Variants in RAD51D observed in about 807,000 individuals in gnomAD.
The protein encoded by RAD51D is RAD51 paralog D.
RAD51D carries 38 observed loss-of-function variants against 44.1 expected under a neutral mutation model. The ratio of observed to expected loss-of-function variants is 0.86; its 90% CI spans 0.67 to 1.13. The LOEUF is 1.13. RAD51D is among the 50% of genes most tolerant of loss of function. RAD51D has a pLI of 0.00. For synonymous variants in RAD51D, 141 were observed against 166.6 expected (o/e 0.85, Z 1.18); for missense variants, 390 against 414.0 (o/e 0.94, Z 0.50).
chr17:35,119,233 T>A, intron 1 of RAD51D, 61 bp from the exon 2 acceptor site: 4 of 1,456,520 alleles, frequency 2.7e-6, no homozygotes, highest in Non-Finnish European at 3.9e-6. Context: ...ACACTTGGTT[T>A]TTCCTCATCT....
chr17:35,117,928 G>A (rs1430291988), intron 3 of RAD51D, among the ~76,000 whole-genome samples: 1 of 152,216 alleles, frequency 6.6e-6, no homozygotes, highest in Admixed American at 6.5e-5. Flanking sequence ...CTAAACTCAA[G>A]TAGGGTTAAT....
At position 35,100,134 on chromosome 17, in the gene RAD51D, G is replaced by A. The variant is rs148160294; in HGVS notation, c.*819C>T. ...CCTCTGGTTATGCTGTACTGTGGAG[G>A]GGCCCCACAGGGCACCATGCATATT... is the stretch of plus-strand genomic sequence containing the variant. On this transcript the variant is annotated 3_prime_UTR_variant, in exon 10 of 10. Transcript: ENST00000345365. The A allele has an allele frequency of 2.5e-4, 131 of 532,830 alleles. 1 individual carries two copies. The East Asian group carries it at 5.1e-3, about 21-fold the overall frequency. The allele number at this position is 532,830 out of a possible 1,614,324, so 33.0% of individuals were successfully genotyped here.
At chr17:35,118,431 T>C in intron 3 of RAD51D, 70 bp downstream of exon 3, 1 of 1,333,986 alleles carries the variant, frequency 7.5e-7, no homozygotes, top group South Asian at 1.2e-5. Flanking sequence ...GACTCAAGCA[T>C]CAAAAGCAGA....
At position 35,103,070 on chromosome 17, in the gene RAD51D, AAAC is replaced by A. The variant is rs763859552; in HGVS notation, c.738+181_738+183del. Among the ~76,000 whole-genome samples the A allele has an allele frequency of 1.8e-4, 27 of 152,358 alleles. No individual in the cohort carries two copies. Among genetic ancestry groups the A allele is most frequent in the South Asian group, 4.1e-4 (2 of 4,832 alleles). On this transcript the variant is annotated intron_variant, in intron 8 of 9. Transcript: ENST00000345365. The surrounding 1 kb of genome is among the most constrained non-coding windows in gnomAD (Gnocchi z 4.1). ...GTAGAAACAAAACAAAACAACAAAA[AAAC>A]AACAAGACGATTCCTGATTCCCTTA...
chr17:35,110,970 T>C (rs943045816), intron 3 of RAD51D, among the ~76,000 whole-genome samples: 13 of 151,564 alleles, frequency 8.6e-5, no homozygotes, highest in African/African-American at 2.9e-4. Context: ...CTGGGCATGG[T>C]GGCATGCACC....
chr17:35,119,532 CT>C lies in RAD51D; in HGVS notation c.81del (p.Val28TrpfsTer12), dbSNP rs1064793952. The C allele has an allele frequency of 1.9e-6, 3 of 1,611,808 alleles. No individual in the cohort carries two copies. Among genetic ancestry groups the C allele is most frequent in the Non-Finnish European group, 2.5e-6 (3 of 1,179,924 alleles). ...IQLLRSHRIK[T>X]VVDLVSADLE... ...CCCTGGCACGCGCACACCCGGTCAC[CT>C]GTCTTGATCCTGTGGCTCCTGAGAA... On this transcript the variant is annotated frameshift_variant and splice_region_variant, in exon 1 of 10. Transcript: ENST00000345365. LOFTEE classifies it high-confidence loss of function.
At chr17:35,107,234 C>T in intron 4 of RAD51D, 112 bp from the exon 5 acceptor site, 1 of 1,484,938 alleles carries the variant, frequency 6.7e-7, no homozygotes, top group Admixed American at 1.7e-5. Flanking sequence ...GTCCCGACCC[C>T]ATTCCTTATT....
intron 8 of RAD51D, 65 bp from the exon 9 acceptor site, chr17:35,101,430 C>T (rs534602114): frequency 3.9e-6 from 6 of 1,540,912 alleles, no homozygotes; most frequent in Non-Finnish European, 5.3e-6. Context: ...ACTACCGCTT[C>T]ATTTTACGGA....
chr17:35,108,764 C>T (rs556793890), intron 3 of RAD51D, among the ~76,000 whole-genome samples: 9 of 152,170 alleles, frequency 5.9e-5, no homozygotes, highest in Admixed American at 3.9e-4. Context: ...CCCCTAATCC[C>T]GAATCCCTGG....
intron 3 of RAD51D, among the ~76,000 whole-genome samples, chr17:35,109,662 A>G (rs1410078706): frequency 6.6e-6 from 1 of 151,884 alleles, no homozygotes; most frequent in South Asian, 2.1e-4. Context: ...AATAGTTAAT[A>G]GTGTTGAACT....
chr17:35,104,608 A>G (rs1243534330), intron 6 of RAD51D, among the ~76,000 whole-genome samples: 1 of 152,106 alleles, frequency 6.6e-6, no homozygotes, highest in Non-Finnish European at 1.5e-5. Context: ...TGGTCTCGAA[A>G]TCCGGCCTCA....
In RAD51D at chr17:35,101,349, G is replaced by A. The variant is rs1467844944; in HGVS notation, c.755C>T (p.Thr252Ile). Residue 252 changes from threonine to isoleucine, a missense_variant, in exon 9 of 10, where the codon ACT (threonine) becomes ATT (isoleucine). By Grantham distance (89) the Thr-to-Ile change is moderately conservative (BLOSUM62 -1). Coordinates refer to ENST00000345365, the MANE Select transcript of RAD51D (RefSeq NM_002878.4). The stretch of plus-strand genomic sequence containing the variant: ...GAGCCTCCCGCTGTCCCTGTCTCGA[G>A]TTATGTGGTTGGTCACCTGCAGCAG... ...GMAVVVTNHI[T>I]RDRDSGRLKP... 4 of 1,613,870 alleles carry A rather than the reference G, an allele frequency of 2.5e-6. No individual in the cohort carries two copies. Among genetic ancestry groups the A allele is most frequent in the African/African-American group, 1.3e-5 (1 of 75,036 alleles).
chr17:35,114,508 CCT>C (rs2091714659), intron 3 of RAD51D, among the ~76,000 whole-genome samples: 1 of 151,054 alleles, frequency 6.6e-6, no homozygotes, highest in Non-Finnish European at 1.5e-5. Context: ...CAGCAAGACC[CCT>C]GTCTCTACAA....
chr17:35,102,112 A>G (rs2091546029), intron 8 of RAD51D, among the ~76,000 whole-genome samples: 1 of 152,190 alleles, frequency 6.6e-6, no homozygotes, highest in Admixed American at 6.5e-5. Context: ...GCTAAAAATT[A>G]CATTTCTAAA....
chr17:35,094,326 T>C lies in RAD51D; in HGVS notation c.*6627A>G, dbSNP rs1195761154. 6.6e-6 allele frequency: 1 copy of C among 152,238 alleles called. No homozygotes were observed. The highest frequency in any genetic ancestry group is 1.5e-5 in the Non-Finnish European group (1 of 68,052). 9.4% of individuals were successfully genotyped at this position (152,238 alleles called of 1,614,324 possible). On this transcript the variant is annotated 3_prime_UTR_variant, in exon 10 of 10. Transcript: ENST00000345365. ...CATGTTGGCCAAGCTGGTCTCGAACTTCTGATTTCAAATGATCCACCCACC... is the reference window on the plus strand; with the variant it reads ...CATGTTGGCCAAGCTGGTCTCGAACCTCTGATTTCAAATGATCCACCCACC...
At chr17:35,111,390 TA>T (rs372105981) in intron 3 of RAD51D, among the ~76,000 whole-genome samples, 10,744 of 139,992 alleles carry the variant, frequency 0.077, 670 homozygotes, top group East Asian at 0.17. Context: ...AAACTCCGTC[TA>T]AAAAAAAAAA....
Position 35,096,884 on chromosome 17 carries a change from T to G in RAD51D, c.*4069A>C, listed in dbSNP as rs931262896. 3.8e-5 allele frequency: 3 copies of G among 79,630 alleles called. No individual in the cohort carries two copies. The highest frequency in any genetic ancestry group is 1.6e-4 in the Admixed American group (1 of 6,350). The allele number at this position is 79,630 out of a possible 1,614,324, so 4.9% of individuals were successfully genotyped here. ...AGAAATAAATATAAATAAGTGTCCCTAGTATTTACACTTCTTTAAGCCTAG... is the reference window on the plus strand; with the variant it reads ...AGAAATAAATATAAATAAGTGTCCCGAGTATTTACACTTCTTTAAGCCTAG... On this transcript the variant is annotated 3_prime_UTR_variant, in exon 10 of 10. Coordinates refer to ENST00000345365, the MANE Select transcript of RAD51D (RefSeq NM_002878.4).
intron 3 of RAD51D, among the ~76,000 whole-genome samples, chr17:35,111,207 C>T (rs1027034054): frequency 2.9e-4 from 44 of 151,502 alleles, no homozygotes; most frequent in African/African-American, 9.7e-4. Flanking sequence ...GGAGAAACCC[C>T]GTCTCTACTA....
At chr17:35,114,564 C>A (rs1597871339) in intron 3 of RAD51D, among the ~76,000 whole-genome samples, 1 of 152,056 alleles carries the variant, frequency 6.6e-6, no homozygotes, top group East Asian at 1.9e-4. Flanking sequence ...GTGGTGAGCA[C>A]CTGTAGTCCC....
Sources: allele counts gnomAD v4.1 joint callset (sites outside exome capture counted in the v4.1 genomes callset), GRCh38; gene constraint gnomAD v4.1.1; non-coding constraint Gnocchi (gnomAD v3.1); transcripts MANE v1.5; gene names NCBI Gene and HGNC (gene_info 2026-07-23, HGNC 2026-07-21).